Variants in ACAD10 observed in about 807,000 individuals in gnomAD.
The protein encoded by ACAD10 is acyl-CoA dehydrogenase family member 10, also known as ACAD-10.
ACAD10 carries 112 observed loss-of-function variants against 116.8 expected under a neutral mutation model. That is an observed-to-expected ratio of 0.96 (90% CI 0.82 to 1.12). The LOEUF (loss-of-function observed/expected upper bound fraction) is 1.12. ACAD10 is among the 50% of genes most tolerant of loss of function. The pLI is 0.00. For missense variants in ACAD10, 1,259 were observed against 1,350.2 expected, an observed-to-expected ratio of 0.93 and a Z score of 1.06; for synonymous variants, 486 against 510.6, an observed-to-expected ratio of 0.95 and a Z score of 0.65.
intron 1 of ACAD10, chr12:111,691,206 TTGTG>T (rs1363757924): frequency 1.3e-5 from 2 of 152,186 alleles, no homozygotes; most frequent in South Asian, 2.1e-4. Context: ...TGTATGTGTG[TTGTG>T]TGTGTCTTTT....
At chr12:111,692,395 G>A (rs659964) in intron 1 of ACAD10, among the ~76,000 whole-genome samples, 8 of 152,108 alleles carry the variant, frequency 5.3e-5, no homozygotes, top group Non-Finnish European at 1.2e-4. Context: ...ATGCAAAGAG[G>A]TAGATGAGAT....
At position 111,692,811 on chromosome 12, in the gene ACAD10, GAC is replaced by G; in HGVS notation, c.107_108del (p.His36ProfsTer48). ...GCAGGCACCAGGGGTCCCACCGATGGACACACCTTGGAGGCAGCACCTACAGA... is the reference window on the plus strand; with the variant it reads ...GCAGGCACCAGGGGTCCCACCGATGGACACCTTGGAGGCAGCACCTACAGA... ...QRRHQGSHRWTHLGGSTYRAV... is the reference protein window; with the variant it reads ...QRRHQGSHRWXHLGGSTYRAV... On this transcript the variant is annotated frameshift_variant, in exon 2 of 21. Transcript: ENST00000313698. LOFTEE classifies it high-confidence loss of function. The G allele has an allele frequency of 6.2e-7, 1 of 1,614,218 alleles. No individual in the cohort carries two copies. The highest frequency in any genetic ancestry group is 8.5e-7 in the Non-Finnish European group (1 of 1,180,044).
chr12:111,738,995 G>T (rs1889654105), intron 12 of ACAD10, among the ~76,000 whole-genome samples: 1 of 149,342 alleles, frequency 6.7e-6, no homozygotes, highest in Non-Finnish European at 1.5e-5. Flanking sequence ...TTGGAAAATG[G>T]GGTGGGGGGG....
At chr12:111,718,327 G>T (rs1047553151) in intron 7 of ACAD10, among the ~76,000 whole-genome samples, 2 of 152,040 alleles carry the variant, frequency 1.3e-5, no homozygotes, top group African/African-American at 4.8e-5. Flanking sequence ...GGGATTACAG[G>T]CGTGAGCCAC....
At chr12:111,719,601 G>T (rs1888956833) in intron 7 of ACAD10, among the ~76,000 whole-genome samples, 1 of 151,778 alleles carries the variant, frequency 6.6e-6, no homozygotes, top group Non-Finnish European at 1.5e-5. Context: ...CGCCCAGGCT[G>T]CACTGCAGTG....
chr12:111,688,591 CAGG>C (rs1227153309), intron 1 of ACAD10, among the ~76,000 whole-genome samples: 3 of 150,870 alleles, frequency 2.0e-5, no homozygotes, highest in Non-Finnish European at 4.4e-5. Flanking sequence ...CACTTGAGGT[CAGG>C]AGTTCGAGAC....
At chr12:111,748,566 C>T (rs1672596635) in intron 17 of ACAD10, 91 bp downstream of exon 17, 2 of 1,406,114 alleles carry the variant, frequency 1.4e-6, no homozygotes, top group South Asian at 1.2e-5. Context: ...CAGGACTTGC[C>T]ACATCCCACG....
chr12:111,755,630 C>T (rs1441284977), intron 19 of ACAD10, 38 bp from the exon 20 acceptor site: 4 of 1,572,698 alleles, frequency 2.5e-6, no homozygotes, highest in Non-Finnish European at 3.5e-6. Context: ...CCAGGCTGCC[C>T]TCGGGTCTTT....
chr12:111,714,747 T>G (rs962579470), intron 6 of ACAD10, among the ~76,000 whole-genome samples: 4 of 152,034 alleles, frequency 2.6e-5, no homozygotes, highest in South Asian at 2.1e-4. Context: ...AGTTTTGCCC[T>G]TGTTGCCCAG....
chr12:111,734,233 G>T (rs1034123346), intron 11 of ACAD10, among the ~76,000 whole-genome samples, 165 bp downstream of exon 11: 1 of 152,212 alleles, frequency 6.6e-6, no homozygotes, highest in Admixed American at 6.5e-5. Context: ...ACATTTACGG[G>T]AAAGTGGATA....
rs1405440414 is a variant in ACAD10 at position 111,729,999 on chromosome 12, T to C, written c.1394+43T>C. The C allele has an allele frequency of 3.7e-6, 6 of 1,600,194 alleles. No individual in the cohort carries two copies. In the Admixed American group the frequency reaches 8.6e-5, roughly 23 times the overall value. On this transcript the variant is annotated intron_variant, in intron 10 of 20. Transcript: ENST00000313698. The stretch of plus-strand genomic sequence containing the variant: ...GAGAGCTGAAAAATGACAGCAAGGA[T>C]GCTCCAAGGGGGAATTGAGCAATTG...
intron 12 of ACAD10, among the ~76,000 whole-genome samples, chr12:111,739,757 G>GA (rs1276574526): frequency 6.8e-5 from 10 of 147,082 alleles, no homozygotes; most frequent in East Asian, 2.0e-4. Flanking sequence ...GACTGTCTCA[G>GA]AAAAAAAAAA....
chr12:111,723,088 C>G (rs1410362742), intron 8 of ACAD10, among the ~76,000 whole-genome samples: 2 of 133,570 alleles, frequency 1.5e-5, no homozygotes, highest in East Asian at 4.7e-4. Context: ...CCAGTAGGGG[C>G]GGCCGGGCAG....
chr12:111,732,112 A>G (rs1889403351), intron 10 of ACAD10, among the ~76,000 whole-genome samples: 3 of 152,156 alleles, frequency 2.0e-5, no homozygotes, highest in African/African-American at 7.2e-5. Flanking sequence ...AGTAATGGGC[A>G]GTAACATGGA....
At chr12:111,698,590 G>T (rs1888257854) in intron 2 of ACAD10, among the ~76,000 whole-genome samples, 1 of 150,350 alleles carries the variant, frequency 6.7e-6, no homozygotes, top group Non-Finnish European at 1.5e-5. Flanking sequence ...CGATTCTCCT[G>T]CCTCAGCCTC....
intron 4 of ACAD10, among the ~76,000 whole-genome samples, chr12:111,709,082 A>G (rs901218428): frequency 6.6e-6 from 1 of 152,016 alleles, no homozygotes; most frequent in African/African-American, 2.4e-5. Context: ...TTTCCGTCAA[A>G]CTGACATGTA....
At position 111,709,520 on chromosome 12, in the gene ACAD10, C is replaced by T. The variant is rs371678887; in HGVS notation, c.532-6C>T. 1.3e-4 allele frequency: 205 copies of T among 1,556,548 alleles called. No individual in the cohort carries two copies. The highest frequency in any genetic ancestry group is 1.7e-4 in the Non-Finnish European group (199 of 1,154,004). ...CATTCATCTCTCATTCCTGTCCCTC[C>T]ATCAGATTGTGGAGTCCTGCATGGA... On this transcript the variant is annotated splice_polypyrimidine_tract_variant and splice_region_variant and intron_variant, in intron 4 of 20. Coordinates refer to ENST00000313698, the MANE Select transcript of ACAD10 (RefSeq NM_025247.6).
Position 111,731,173 on chromosome 12 carries a change from G to A in ACAD10, c.1394+1217G>A, listed in dbSNP as rs986312586. ...GTGTCCCTCGCTCCCGGCTTCTTCC[G>A]TTAGCCAGCCACCTTTGGGGATCCC... On this transcript the variant is annotated intron_variant, in intron 10 of 20. Transcript: ENST00000313698. Among the ~76,000 whole-genome samples the A allele has an allele frequency of 4.6e-5, 7 of 152,188 alleles. No individual in the cohort carries two copies. In the East Asian group the frequency reaches 5.8e-4, roughly 13 times the overall value.
chr12:111,751,389 G>A (rs1890067095), intron 18 of ACAD10, among the ~76,000 whole-genome samples: 1 of 152,154 alleles, frequency 6.6e-6, no homozygotes, highest in East Asian at 1.9e-4. Flanking sequence ...GATTGCTTGA[G>A]CCCAGGAATT....
Sources: allele counts gnomAD v4.1 joint callset (sites outside exome capture counted in the v4.1 genomes callset), GRCh38; gene constraint gnomAD v4.1.1; transcripts MANE v1.5; gene names NCBI Gene and HGNC (gene_info 2026-07-23, HGNC 2026-07-21).